Variants in NRG3 observed in about 807,000 individuals in gnomAD.
NRG3 encodes the protein pro-neuregulin-3, membrane-bound isoform.
In NRG3, 31 loss-of-function variants were observed where a neutral mutation model predicts 66.9. The observed-to-expected ratio is 0.46, with a 90% CI of 0.35 to 0.63. The LOEUF (loss-of-function observed/expected upper bound fraction) is 0.63, where lower values mean the gene tolerates loss of function less well. Ranked by LOEUF, NRG3 falls within the 20% of genes least tolerant of loss-of-function variation. The pLI, the probability that NRG3 is intolerant of heterozygous loss-of-function variation, is 0.00. For synonymous variants in NRG3, 393 were observed against 359.4 expected, an observed-to-expected ratio of 1.09 and a Z score of -1.06; for missense variants, 910 against 878.9, an observed-to-expected ratio of 1.04 and a Z score of -0.45.
chr10:82,761,956 CTTTCTTTCT>C (rs2059336390), intron 3 of NRG3, among the ~76,000 whole-genome samples: 1 of 122,452 alleles, frequency 8.2e-6, no homozygotes, highest in African/African-American at 3.1e-5. Flanking sequence ...TTCTTTCTTT[CTTTCTTTCT>C]TTCTTTCTTT....
chr10:82,349,608 C>A lies in NRG3; in HGVS notation c.824-9131C>A, dbSNP rs536481844. ...TGGGCTCCACCCAGTTCGAGCTTCC[C>A]GGCTGCTTTGTTTACCTAAGCAAGC... On this transcript the variant is annotated intron_variant, in intron 1 of 8. Transcript: ENST00000372141. Among the ~76,000 whole-genome samples the A allele has an allele frequency of 2.2e-4, 33 of 152,022 alleles. No homozygotes were observed. The East Asian group carries it at 2.3e-3, about 11-fold the overall frequency.
chr10:82,391,335 A>G (rs1181708974), intron 2 of NRG3, among the ~76,000 whole-genome samples: 1 of 152,298 alleles, frequency 6.6e-6, no homozygotes, highest in South Asian at 2.1e-4. Context: ...GAAAGAACAC[A>G]AAAGAGGTAT....
At chr10:82,833,023 G>A (rs910083557) in intron 3 of NRG3, among the ~76,000 whole-genome samples, 5 of 151,998 alleles carry the variant, frequency 3.3e-5, no homozygotes, top group African/African-American at 1.2e-4. Flanking sequence ...CATGGACCTT[G>A]CTGTGGACAT....
At chr10:82,344,095 G>T in intron 1 of NRG3, among the ~76,000 whole-genome samples, 1 of 150,178 alleles carries the variant, frequency 6.7e-6, no homozygotes, top group African/African-American at 2.5e-5. Flanking sequence ...TAAGTTTTAG[G>T]GTACATGTGC....
At chr10:82,557,378 T>G (rs577921504) in intron 2 of NRG3, among the ~76,000 whole-genome samples, 52 of 152,332 alleles carry the variant, frequency 3.4e-4, no homozygotes, top group Non-Finnish European at 6.0e-4. Flanking sequence ...TGCATATCTG[T>G]AATGATCAGT....
intron 2 of NRG3, among the ~76,000 whole-genome samples, chr10:82,592,764 C>T (rs2047055649): frequency 6.6e-6 from 1 of 152,164 alleles, no homozygotes; most frequent in South Asian, 2.1e-4. Flanking sequence ...ATTAAATGTT[C>T]ACTGCTGTTT....
chr10:82,772,451 T>G (rs2059748131), intron 3 of NRG3, among the ~76,000 whole-genome samples: 1 of 152,164 alleles, frequency 6.6e-6, no homozygotes, highest in Non-Finnish European at 1.5e-5. Context: ...TGTCACTTTG[T>G]GTCCTTTCCT....
Position 82,388,279 on chromosome 10 carries a change from C to A in NRG3, c.953+29411C>A, listed in dbSNP as rs577067254. Among the ~76,000 whole-genome samples the A allele has an allele frequency of 5.1e-4, 78 of 152,180 alleles. 2 individuals are homozygous for A. The South Asian group carries it at 0.013, about 26-fold the overall frequency. On this transcript the variant is annotated intron_variant, in intron 2 of 8. Transcript: ENST00000372141. Reference sequence around the variant, plus strand: ...TTATGAACAAATGTGGACCCATTTGCTGAGATTATTTTAAATCAAAGGAAA... The same window carrying A: ...TTATGAACAAATGTGGACCCATTTGATGAGATTATTTTAAATCAAAGGAAA...
At chr10:82,603,220 C>G (rs1358764731) in intron 2 of NRG3, among the ~76,000 whole-genome samples, 5 of 152,086 alleles carry the variant, frequency 3.3e-5, no homozygotes, top group Admixed American at 3.3e-4. Context: ...TGGAGGCTAG[C>G]TTGAGGTGTC....
intron 1 of NRG3, among the ~76,000 whole-genome samples, chr10:81,991,342 T>G (rs759050550): frequency 1.1e-4 from 16 of 152,166 alleles, no homozygotes; most frequent in Non-Finnish European, 2.1e-4. Flanking sequence ...ATAACAAGTA[T>G]AAATTGTAGA....
chr10:81,904,072 C>T (rs976054314), intron 1 of NRG3, among the ~76,000 whole-genome samples: 2 of 151,130 alleles, frequency 1.3e-5, no homozygotes, highest in African/African-American at 4.9e-5. Context: ...TGCAATGATG[C>T]GATCTCAGCT....
intron 2 of NRG3, among the ~76,000 whole-genome samples, chr10:82,563,147 G>A (rs1397957428): frequency 6.6e-6 from 1 of 152,050 alleles, no homozygotes; most frequent in Non-Finnish European, 1.5e-5. Flanking sequence ...AAATACCATA[G>A]TCATTTTTTA....
intron 1 of NRG3, among the ~76,000 whole-genome samples, chr10:82,002,674 G>A (rs1196182844): frequency 1.3e-5 from 2 of 152,118 alleles, no homozygotes; most frequent in Non-Finnish European, 2.9e-5. Context: ...AATATTATAT[G>A]GTTTTGGCTT....
chr10:81,931,061 G>A (rs903665264), intron 1 of NRG3, among the ~76,000 whole-genome samples: 1 of 152,148 alleles, frequency 6.6e-6, no homozygotes, highest in African/African-American at 2.4e-5. Flanking sequence ...CTGGCACATT[G>A]ATGTATTCAC....
chr10:82,387,096 A>C (rs1324286143), intron 2 of NRG3, among the ~76,000 whole-genome samples: 1 of 152,214 alleles, frequency 6.6e-6, no homozygotes, highest in Non-Finnish European at 1.5e-5. Context: ...CACCGCACCC[A>C]GCCTTGACAG....
At chr10:82,079,865 G>T (rs769829274) in intron 1 of NRG3, among the ~76,000 whole-genome samples, 1 of 152,056 alleles carries the variant, frequency 6.6e-6, no homozygotes, top group East Asian at 1.9e-4. Flanking sequence ...TCTGGATTCC[G>T]ACTGAAGGAC....
intron 1 of NRG3, among the ~76,000 whole-genome samples, chr10:81,891,623 A>G (rs551775273): frequency 7.9e-5 from 12 of 152,220 alleles, no homozygotes; most frequent in East Asian, 7.7e-4. Flanking sequence ...GGTATTTGTG[A>G]CGTTTCTTTT....
chr10:82,388,882 A>G (rs566548005), intron 2 of NRG3, among the ~76,000 whole-genome samples: 2 of 152,310 alleles, frequency 1.3e-5, no homozygotes, highest in Non-Finnish European at 2.9e-5. Context: ...GTGTGTTAAA[A>G]TAAATATTTT....
chr10:82,467,423 C>T (rs972709648), intron 2 of NRG3, among the ~76,000 whole-genome samples: 4 of 152,188 alleles, frequency 2.6e-5, no homozygotes, highest in Non-Finnish European at 5.9e-5. Flanking sequence ...GAGGCCCTCT[C>T]AGGGAAACAA....
Sources: gnomAD v4.1 joint callset for allele counts (sites outside exome capture counted in the v4.1 genomes callset) on GRCh38, gnomAD v4.1.1 for gene constraint, MANE v1.5 for transcripts, NCBI Gene and HGNC (gene_info 2026-07-23, HGNC 2026-07-21) for gene names.